The following ATE1 variants were observed in gnomAD, a reference collection of about 807,000 sequenced individuals.
ATE1 encodes the protein arginyl-tRNA--protein transferase 1.
Under a neutral mutation model 70.5 loss-of-function variants are expected in ATE1, and 36 were observed. The ratio of observed to expected loss-of-function variants is 0.51; its 90% CI spans 0.39 to 0.67. ATE1 has a LOEUF of 0.67. ATE1 is among the 30% of genes least tolerant of loss of function. ATE1 has a pLI of 0.00. For synonymous variants in ATE1, 232 were observed against 219.3 expected (o/e 1.06, Z -0.51); for missense variants, 593 against 629.5 (o/e 0.94, Z 0.62).
At chr10:121,763,188 G>A (rs527283329) in intron 11 of ATE1, among the ~76,000 whole-genome samples, 12 of 152,206 alleles carry the variant, frequency 7.9e-5, no homozygotes, top group African/African-American at 2.2e-4. Flanking sequence ...CTAAAAGTAC[G>A]CCAAAGTGGA....
chr10:121,814,095 C>T (rs909777343), intron 10 of ATE1, among the ~76,000 whole-genome samples: 1 of 152,194 alleles, frequency 6.6e-6, no homozygotes, highest in Non-Finnish European at 1.5e-5. Context: ...GGGAGGATTA[C>T]TGCAAATCAC....
intron 10 of ATE1, among the ~76,000 whole-genome samples, chr10:121,812,204 CTTT>C (rs1258201248): frequency 6.6e-6 from 1 of 152,062 alleles, no homozygotes; most frequent in Non-Finnish European, 1.5e-5. Flanking sequence ...GATCCACCTG[CTTT>C]GGCCTCCCAA....
chr10:121,808,901 T>C (rs1468795875), intron 10 of ATE1, among the ~76,000 whole-genome samples: 1 of 152,240 alleles, frequency 6.6e-6, no homozygotes, highest in African/African-American at 2.4e-5. Flanking sequence ...CTCTGAACTT[T>C]TTCTACTCTA....
At chr10:121,850,056 A>C (rs949206897) in intron 8 of ATE1, among the ~76,000 whole-genome samples, 13 of 152,202 alleles carry the variant, frequency 8.5e-5, no homozygotes, top group Admixed American at 8.5e-4. Context: ...TTTATCTATA[A>C]GAGTGGTCAC....
At chr10:121,899,591 T>C (rs756814931) in intron 7 of ATE1, among the ~76,000 whole-genome samples, 2 of 152,214 alleles carry the variant, frequency 1.3e-5, no homozygotes, top group Non-Finnish European at 2.9e-5. Flanking sequence ...TAGAGCTCTA[T>C]TACTATCTTT....
At chr10:121,891,168 A>G (rs1272962045) in intron 7 of ATE1, among the ~76,000 whole-genome samples, 9 of 152,188 alleles carry the variant, frequency 5.9e-5, no homozygotes, top group Non-Finnish European at 1.3e-4. Context: ...AGTTTGTGGC[A>G]GAAGGCAATC....
chr10:121,862,974 T>C (rs1455390285), intron 8 of ATE1, among the ~76,000 whole-genome samples: 3 of 152,154 alleles, frequency 2.0e-5, no homozygotes, highest in Non-Finnish European at 4.4e-5. Context: ...CAACACCCCA[T>C]GCACTGCTAC....
chr10:121,768,991 T>C (rs1445870832), intron 11 of ATE1, among the ~76,000 whole-genome samples: 1 of 107,890 alleles, frequency 9.3e-6, no homozygotes, highest in Non-Finnish European at 2.0e-5. Context: ...TATATATAGA[T>C]TTAACATAAT....
At chr10:121,885,230 C>T (rs1214434297) in intron 7 of ATE1, among the ~76,000 whole-genome samples, 1 of 137,274 alleles carries the variant, frequency 7.3e-6, no homozygotes, top group African/African-American at 2.7e-5. Flanking sequence ...CATTACATTC[C>T]AGCCTGGGCA....
At chr10:121,847,888 G>A (rs961586403) in intron 8 of ATE1, among the ~76,000 whole-genome samples, 2 of 150,850 alleles carry the variant, frequency 1.3e-5, no homozygotes, top group African/African-American at 2.4e-5. Flanking sequence ...TGGCTAACAC[G>A]GTGAAACCCC....
chr10:121,867,896 T>G (rs574071642), intron 8 of ATE1, among the ~76,000 whole-genome samples: 5 of 152,354 alleles, frequency 3.3e-5, no homozygotes, highest in African/African-American at 4.8e-5. Context: ...GTGTTCCTGT[T>G]GTACATTTAG....
At chr10:121,917,476 C>T (rs1170892589) in intron 3 of ATE1, among the ~76,000 whole-genome samples, 2 of 152,114 alleles carry the variant, frequency 1.3e-5, no homozygotes, top group South Asian at 4.1e-4. Context: ...TTTACACAGT[C>T]ACAATGGATA....
chr10:121,912,645 C>T (rs966902911), intron 4 of ATE1, among the ~76,000 whole-genome samples: 1 of 151,880 alleles, frequency 6.6e-6, no homozygotes, highest in African/African-American at 2.4e-5. Flanking sequence ...GAGCAAGACT[C>T]CGTCTCCAAA....
rs116870931 is a variant in ATE1, at chr10:121,779,062, T to C, written c.1378+11107A>G. Among the ~76,000 whole-genome samples, 518 of 152,274 alleles carry C rather than the reference T, an allele frequency of 3.4e-3. 3 individuals carry two copies. Among genetic ancestry groups the C allele is most frequent in the Non-Finnish European group, 4.1e-3 (276 of 68,022 alleles). On this transcript the variant is annotated intron_variant, in intron 11 of 11. Coordinates refer to ENST00000224652, the MANE Select transcript of ATE1 (RefSeq NM_001001976.3). Reference sequence around the variant, plus strand: ...AATCAGACACTCGCTCTCAACACCATTTCCTATCCTTCCAGCTTGTTCACA... The same window carrying C: ...AATCAGACACTCGCTCTCAACACCACTTCCTATCCTTCCAGCTTGTTCACA...
At chr10:121,885,183 C>G (rs1950343171) in intron 7 of ATE1, among the ~76,000 whole-genome samples, 1 of 147,794 alleles carries the variant, frequency 6.8e-6, no homozygotes, top group Admixed American at 6.8e-5. Context: ...ATTGCTTGAA[C>G]CTGGGAGGTG....
intron 7 of ATE1, among the ~76,000 whole-genome samples, chr10:121,874,981 GA>G (rs771548510): frequency 0.23 from 20,648 of 88,828 alleles, 1,568 homozygotes; most frequent in East Asian, 0.28. Flanking sequence ...TCTACTAAAA[GA>G]AAAAAAAAAA....
intron 8 of ATE1, among the ~76,000 whole-genome samples, chr10:121,843,291 A>G (rs1948698355): frequency 6.6e-6 from 1 of 152,214 alleles, no homozygotes. Context: ...AAGGAATCAA[A>G]GATCTAAAAA....
chr10:121,918,240 G>A (rs1427692436), intron 3 of ATE1, among the ~76,000 whole-genome samples: 2 of 151,676 alleles, frequency 1.3e-5, no homozygotes, highest in Non-Finnish European at 2.9e-5. Context: ...GGCTGAGGCA[G>A]AAGAATCACT....
chr10:121,803,006 G>A (rs894866159), intron 10 of ATE1, among the ~76,000 whole-genome samples: 4 of 152,186 alleles, frequency 2.6e-5, no homozygotes, highest in Non-Finnish European at 2.9e-5. Context: ...AAGGGTCAGC[G>A]TTGACGTCTT....
Sources: gnomAD v4.1 joint callset for allele counts (sites outside exome capture counted in the v4.1 genomes callset) on GRCh38, gnomAD v4.1.1 for gene constraint, MANE v1.5 for transcripts, NCBI Gene and HGNC (gene_info 2026-07-23, HGNC 2026-07-21) for gene names.